Variants in B3GALT1 observed in about 807,000 individuals in gnomAD.
B3GALT1 encodes UDP-Gal:betaGlcNAc beta 1,3-galactosyltransferase, polypeptide 1.
Under a neutral mutation model 23.2 loss-of-function variants are expected in B3GALT1, and 10 were observed. The ratio of observed to expected loss-of-function variants is 0.43; its 90% CI spans 0.27 to 0.73. B3GALT1 has a LOEUF of 0.73. Among genes scored for constraint, B3GALT1 ranks in the 30% least tolerant of loss-of-function variants. The pLI, the probability that B3GALT1 is intolerant of heterozygous loss-of-function variation, is 0.21. For synonymous variants in B3GALT1, 156 were observed against 141.5 expected, an observed-to-expected ratio of 1.10 and a Z score of -0.73; for missense variants, 299 against 405.4, an observed-to-expected ratio of 0.74 and a Z score of 2.25.
rs79717999 is a variant in B3GALT1 at position 167,770,318 on chromosome 2, T to C, written c.-351-48354T>C. Among the ~76,000 whole-genome samples the C allele has an allele frequency of 5.9e-3, 906 of 152,348 alleles. 4 individuals are homozygous for C. Among genetic ancestry groups the C allele is most frequent in the Middle Eastern group, 0.01 (3 of 294 alleles). ...AGCTATTCTAATAGGTGTATTGTGATATATCATTGTGGTTTTAATTTGCAG... is the reference window on the plus strand; with the variant it reads ...AGCTATTCTAATAGGTGTATTGTGACATATCATTGTGGTTTTAATTTGCAG... On this transcript the variant is annotated intron_variant, in intron 3 of 4. Transcript: ENST00000392690.
At chr2:167,491,311 A>G (rs769627022) in intron 2 of B3GALT1, among the ~76,000 whole-genome samples, 7 of 152,140 alleles carry the variant, frequency 4.6e-5, no homozygotes, top group Non-Finnish European at 8.8e-5. Context: ...CCTTATTCCA[A>G]TATCATCACA....
At chr2:167,608,542 TATATAAC>T (rs1685006775) in intron 2 of B3GALT1, among the ~76,000 whole-genome samples, 2 of 151,002 alleles carry the variant, frequency 1.3e-5, no homozygotes, top group Admixed American at 1.3e-4. Flanking sequence ...TGTCAATGGT[TATATAAC>T]ATATTTCTTT....
intron 2 of B3GALT1, among the ~76,000 whole-genome samples, chr2:167,493,786 A>G (rs1225197780): frequency 1.3e-5 from 2 of 152,194 alleles, no homozygotes; most frequent in Non-Finnish European, 2.9e-5. Context: ...ATTTTCAAAC[A>G]TTAGTATACA....
chr2:167,680,060 G>C (rs949125882), intron 3 of B3GALT1, among the ~76,000 whole-genome samples: 4 of 151,830 alleles, frequency 2.6e-5, no homozygotes, highest in Admixed American at 2.0e-4. Context: ...ACTACTCTTT[G>C]GTGAAAACTT....
chr2:167,476,647 TA>T (rs1437653896), intron 1 of B3GALT1, among the ~76,000 whole-genome samples: 1 of 152,186 alleles, frequency 6.6e-6, no homozygotes, highest in Non-Finnish European at 1.5e-5. Flanking sequence ...ACTCACCCAT[TA>T]AAAACAAACT....
At chr2:167,809,311 G>A (rs1465181305) in intron 3 of B3GALT1, among the ~76,000 whole-genome samples, 1 of 152,198 alleles carries the variant, frequency 6.6e-6, no homozygotes, top group Non-Finnish European at 1.5e-5. Context: ...GTCCAGCTTT[G>A]TTCCATTGCT....
chr2:167,693,162 C>G (rs1686740574), intron 3 of B3GALT1, among the ~76,000 whole-genome samples: 1 of 151,918 alleles, frequency 6.6e-6, no homozygotes, highest in Non-Finnish European at 1.5e-5. Context: ...GTGCAATACC[C>G]TTTACAGAGT....
intron 2 of B3GALT1, among the ~76,000 whole-genome samples, chr2:167,563,052 T>C (rs192388581): frequency 1.4e-4 from 21 of 152,136 alleles, no homozygotes; most frequent in African/African-American, 4.8e-4. Flanking sequence ...TCCACCCCTT[T>C]CCACACAGAC....
At chr2:167,785,617 T>C (rs1034850582) in intron 3 of B3GALT1, among the ~76,000 whole-genome samples, 2 of 152,200 alleles carry the variant, frequency 1.3e-5, no homozygotes, top group African/African-American at 4.8e-5. Flanking sequence ...TTAGCAATAT[T>C]TTATTTCCTA....
intron 1 of B3GALT1, among the ~76,000 whole-genome samples, chr2:167,404,280 C>G (rs370076670): frequency 6.6e-6 from 1 of 152,078 alleles, no homozygotes; most frequent in Admixed American, 6.6e-5. Context: ...ATGAAGGATC[C>G]GCCTCCATAA....
At chr2:167,748,674 A>G (rs879380470) in intron 3 of B3GALT1, among the ~76,000 whole-genome samples, 1 of 152,234 alleles carries the variant, frequency 6.6e-6, no homozygotes, top group African/African-American at 2.4e-5. Flanking sequence ...AGCCAGAGGC[A>G]GGTATTGAAG....
chr2:167,819,085 A>AAACTC (rs1452046809), intron 4 of B3GALT1, among the ~76,000 whole-genome samples: 5 of 152,090 alleles, frequency 3.3e-5, no homozygotes, highest in Admixed American at 1.3e-4. Context: ...CAGGAGAAAA[A>AAACTC]AACTCATAGC....
At chr2:167,826,868 A>G (rs1331750325) in intron 4 of B3GALT1, among the ~76,000 whole-genome samples, 2 of 152,378 alleles carry the variant, frequency 1.3e-5, no homozygotes, top group South Asian at 2.1e-4. Context: ...TAAAGCACAC[A>G]GGAGAATGCA....
chr2:167,607,322 G>A lies in B3GALT1; in HGVS notation c.-409-39587G>A, dbSNP rs74761500. On this transcript the variant is annotated intron_variant, in intron 2 of 4. Transcript: ENST00000392690. The stretch of plus-strand genomic sequence containing the variant: ...AGTTCAGTACAAATATTCAGCAAGC[G>A]TTGGCTTTTGGAGTCTCTCCTGGGT... Among the ~76,000 whole-genome samples the A allele has an allele frequency of 7.5e-3, 1,135 of 152,256 alleles. 15 individuals are homozygous for A. The highest frequency in any genetic ancestry group is 0.026 in the African/African-American group (1,077 of 41,550).
Position 167,777,204 on chromosome 2 carries a change from A to G in B3GALT1, c.-351-41468A>G, listed in dbSNP as rs548017661. 7.0e-4 allele frequency among the ~76,000 whole-genome samples: 107 copies of G among 152,362 alleles called. 1 individual carries two copies. The highest frequency in any genetic ancestry group is 2.5e-3 in the African/African-American group (106 of 41,586). On this transcript the variant is annotated intron_variant, in intron 3 of 4. Transcript: ENST00000392690. ...GAGTTTATAATAGAGTTTTATAATA[A>G]CACAATCATAAAATGAATAACCATA...
intron 1 of B3GALT1, among the ~76,000 whole-genome samples, chr2:167,433,655 A>C (rs1698737271): frequency 6.6e-6 from 1 of 152,246 alleles, no homozygotes; most frequent in African/African-American, 2.4e-5. Flanking sequence ...TAAAGAGTGT[A>C]TTGATTTCAG....
intron 2 of B3GALT1, among the ~76,000 whole-genome samples, chr2:167,607,883 T>C (rs1684994283): frequency 6.6e-6 from 1 of 152,154 alleles, no homozygotes; most frequent in Non-Finnish European, 1.5e-5. Context: ...TAAACATACT[T>C]TAACACTCCT....
At chr2:167,536,007 T>C (rs1683412978) in intron 2 of B3GALT1, among the ~76,000 whole-genome samples, 1 of 152,110 alleles carries the variant, frequency 6.6e-6, no homozygotes. Context: ...CACTGCAACC[T>C]CCGCCTCCCA....
chr2:167,549,817 T>C (rs1329176267), intron 2 of B3GALT1, among the ~76,000 whole-genome samples: 1 of 152,238 alleles, frequency 6.6e-6, no homozygotes, highest in Non-Finnish European at 1.5e-5. Flanking sequence ...AATTTTATTT[T>C]TATTTTTCCT....
Sources: allele counts gnomAD v4.1 joint callset (sites outside exome capture counted in the v4.1 genomes callset), GRCh38; gene constraint gnomAD v4.1.1; transcripts MANE v1.5; gene names NCBI Gene and HGNC (gene_info 2026-07-23, HGNC 2026-07-21).